Variants in EMP2 observed in about 807,000 individuals in gnomAD.
EMP2 encodes epithelial membrane protein 2.
A neutral mutation model predicts 13.7 loss-of-function variants in EMP2; 19 were observed. The ratio of observed to expected loss-of-function variants is 1.38; its 90% CI spans 0.97 to 2.03. EMP2 has a LOEUF of 2.03. Among genes scored for constraint, EMP2 ranks in the 30% most tolerant of loss-of-function variants. The pLI, the probability that EMP2 is intolerant of heterozygous loss-of-function variation, is 0.00. For synonymous variants in EMP2, 97 were observed against 84.7 expected, an observed-to-expected ratio of 1.15 and a Z score of -0.80; for missense variants, 253 against 220.7, an observed-to-expected ratio of 1.15 and a Z score of -0.93.
chr16:10,567,034 T>A lies in EMP2; in HGVS notation c.-61+13515A>T, dbSNP rs1389820105. Among the ~76,000 whole-genome samples the A allele has an allele frequency of 2.0e-5, 3 of 152,200 alleles. No homozygotes were observed. In the East Asian group the frequency reaches 5.8e-4, roughly 29 times the overall value. On this transcript the variant is annotated intron_variant, in intron 1 of 4. Coordinates refer to ENST00000359543, the MANE Select transcript of EMP2 (RefSeq NM_001424.6). ...CTTCTCTTCATTCAGCCCCAACTCCTAAGTCAGCAGAGAAGCCTCCCCAAC... is the reference window on the plus strand; with the variant it reads ...CTTCTCTTCATTCAGCCCCAACTCCAAAGTCAGCAGAGAAGCCTCCCCAAC...
intron 1 of EMP2, among the ~76,000 whole-genome samples, chr16:10,551,698 T>A (rs1027731350): frequency 6.6e-6 from 1 of 152,102 alleles, no homozygotes; most frequent in Admixed American, 6.6e-5. Flanking sequence ...TGAGCCACCA[T>A]CCCCAGAGCA....
intron 1 of EMP2, among the ~76,000 whole-genome samples, chr16:10,563,041 A>C (rs1461031036): frequency 6.6e-6 from 1 of 152,162 alleles, no homozygotes; most frequent in Non-Finnish European, 1.5e-5. Flanking sequence ...GCTCGGGGTG[A>C]GGCAGGTGTC....
At position 10,573,930 on chromosome 16, in the gene EMP2, C is replaced by CTTTTTTTTTTT. The variant is rs371646297; in HGVS notation, c.-61+6608_-61+6618dup. On this transcript the variant is annotated intron_variant, in intron 1 of 4. Coordinates refer to ENST00000359543, the MANE Select transcript of EMP2 (RefSeq NM_001424.6). ...TTCCATATGGGTACAATGGATAAAC[C>CTTTTTTTTTTT]TTTTTTTTTTTTTTTTTTTTTTTTT... Among the ~76,000 whole-genome samples the CTTTTTTTTTTT allele has an allele frequency of 4.8e-5, 4 of 83,172 alleles. 1 individual carries two copies. The highest frequency in any genetic ancestry group is 6.5e-5 in the Non-Finnish European group (3 of 46,492). The allele number at this position is 83,172 out of a possible 152,430, so 54.6% of individuals were successfully genotyped here.
chr16:10,576,046 C>A (rs1350774016), intron 1 of EMP2, among the ~76,000 whole-genome samples: 1 of 151,984 alleles, frequency 6.6e-6, no homozygotes, highest in Admixed American at 6.6e-5. Context: ...AAGCAAGGAC[C>A]ACTGTGCTTA....
At chr16:10,548,063 T>A (rs1490057820) in intron 1 of EMP2, among the ~76,000 whole-genome samples, 1 of 151,884 alleles carries the variant, frequency 6.6e-6, no homozygotes, top group East Asian at 1.9e-4. Context: ...TTTCATGGGG[T>A]CTTAGAAAAG....
intron 2 of EMP2, chr16:10,545,634 T>A (rs2050733426): frequency 6.5e-6 from 1 of 154,480 alleles, no homozygotes; most frequent in Non-Finnish European, 1.4e-5. Flanking sequence ...GACCGTCTAG[T>A]CCAGAACAAC....
chr16:10,579,119 C>A (rs1353784273), intron 1 of EMP2, among the ~76,000 whole-genome samples: 2 of 152,170 alleles, frequency 1.3e-5, no homozygotes, highest in Non-Finnish European at 2.9e-5. Flanking sequence ...GGTGAGGCTC[C>A]CAGGGAGAAA....
At chr16:10,567,655 C>T (rs2050916531) in intron 1 of EMP2, among the ~76,000 whole-genome samples, 2 of 152,104 alleles carry the variant, frequency 1.3e-5, no homozygotes, top group African/African-American at 4.8e-5. Context: ...TCTCTAGGAG[C>T]CCTAAGACCC....
At chr16:10,571,556 T>C (rs1200092235) in intron 1 of EMP2, among the ~76,000 whole-genome samples, 1 of 152,202 alleles carries the variant, frequency 6.6e-6, no homozygotes, top group African/African-American at 2.4e-5. Context: ...GCCTGGTTTT[T>C]GCTTAGGAGC....
chr16:10,567,835 G>C lies in EMP2; in HGVS notation c.-61+12714C>G, dbSNP rs143487508. Among the ~76,000 whole-genome samples the C allele has an allele frequency of 2.1e-3, 315 of 152,348 alleles. 1 individual carries two copies. The highest frequency in any genetic ancestry group is 7.1e-3 in the African/African-American group (297 of 41,578). On this transcript the variant is annotated intron_variant, in intron 1 of 4. Transcript: ENST00000359543. ...AATACCACTAAAGCAAGGGGGAAAT[G>C]GAAGAATTGAGGCATTGGAGATAGT...
chr16:10,555,457 A>G (rs1039453897), intron 1 of EMP2, among the ~76,000 whole-genome samples: 8 of 152,214 alleles, frequency 5.3e-5, no homozygotes, highest in Middle Eastern at 3.2e-3. Flanking sequence ...TGATTTGCAG[A>G]ACTTCTCTTT....
rs183234242 is a variant in EMP2 at position 10,533,535 on chromosome 16, G to A, written c.317-443C>T. On this transcript the variant is annotated intron_variant, in intron 4 of 4. Coordinates refer to ENST00000359543, the MANE Select transcript of EMP2 (RefSeq NM_001424.6). Reference sequence around the variant, plus strand: ...TGGTCTAAGCCAGAGGTCCACAGACGTACCCTGTAAAGGGCCAGACAGTAA... The same window carrying A: ...TGGTCTAAGCCAGAGGTCCACAGACATACCCTGTAAAGGGCCAGACAGTAA... Among the ~76,000 whole-genome samples, 1,175 of 152,278 alleles carry A rather than the reference G, an allele frequency of 7.7e-3. 10 individuals are homozygous for A. Among genetic ancestry groups the A allele is most frequent in the South Asian group, 0.017 (84 of 4,830 alleles).
chr16:10,536,205 C>T lies in EMP2; in HGVS notation c.316+1723G>A, dbSNP rs150900539. 2.2e-3 allele frequency among the ~76,000 whole-genome samples: 333 copies of T among 152,176 alleles called. 2 individuals carry two copies. The highest frequency in any genetic ancestry group is 7.8e-3 in the African/African-American group (322 of 41,538). On this transcript the variant is annotated intron_variant, in intron 4 of 4. Transcript: ENST00000359543. ...CCACTTTGCCCTGGACTGGGGTTTC[C>T]TAGGATGCGGGACTTTCAGTGTTTT...
chr16:10,566,410 G>C (rs2050907109), intron 1 of EMP2, among the ~76,000 whole-genome samples: 1 of 152,188 alleles, frequency 6.6e-6, no homozygotes, highest in African/African-American at 2.4e-5. Context: ...CTGCAGACCT[G>C]CTCTAAGTTA....
chr16:10,571,235 G>GCA (rs574312784), intron 1 of EMP2, among the ~76,000 whole-genome samples: 7,790 of 118,654 alleles, frequency 0.066, 349 homozygotes, highest in South Asian at 0.18. Context: ...CCAGCCTGGT[G>GCA]ACAGAGCAAG....
intron 1 of EMP2, among the ~76,000 whole-genome samples, chr16:10,549,883 CTTTTTTTTTTTTTTTT>C (rs59259895): frequency 8.9e-6 from 1 of 112,272 alleles, no homozygotes. Flanking sequence ...TTTTCTTTTT[CTTTTTTTTTTTTTTTT>C]TTTTGAGACA....
chr16:10,540,173 A>G (rs2050683186), intron 3 of EMP2, among the ~76,000 whole-genome samples: 1 of 152,160 alleles, frequency 6.6e-6, no homozygotes, highest in African/African-American at 2.4e-5. Context: ...AACTACACAA[A>G]TTCACGGAAT....
chr16:10,569,706 C>A (rs2050933512), intron 1 of EMP2, among the ~76,000 whole-genome samples: 2 of 152,182 alleles, frequency 1.3e-5, no homozygotes, highest in African/African-American at 4.8e-5. Flanking sequence ...CTGAAATGAA[C>A]ACGAGCATAA....
In EMP2 at chr16:10,542,714, G is replaced by A. The variant is rs367752560; in HGVS notation, c.169+856C>T. Among the ~76,000 whole-genome samples the A allele has an allele frequency of 4.6e-5, 7 of 152,202 alleles. No homozygotes were observed. In the East Asian group the frequency reaches 5.8e-4, roughly 13 times the overall value. ...TTTCTGTATTTTAAAGCCTTTTCAT[G>A]TATTTTAGCTCATTGAAGAGGTGGG... On this transcript the variant is annotated intron_variant, in intron 3 of 4. Transcript: ENST00000359543.
Sources: allele counts gnomAD v4.1 joint callset (sites outside exome capture counted in the v4.1 genomes callset), GRCh38; gene constraint gnomAD v4.1.1; transcripts MANE v1.5; gene names NCBI Gene and HGNC (gene_info 2026-07-23, HGNC 2026-07-21).